The following CHST15 variants were observed in gnomAD, a reference collection of about 807,000 sequenced individuals.
CHST15 encodes the protein B cell RAG associated protein (GALNAC4S-6ST).
A neutral mutation model predicts 53.6 loss-of-function variants in CHST15; 30 were observed. The observed-to-expected ratio is 0.56, with a 90% CI of 0.42 to 0.76. The LOEUF is 0.76. CHST15 is among the 30% of genes least tolerant of loss of function. The pLI, the probability that CHST15 is intolerant of heterozygous loss-of-function variation, is 0.00. For missense variants in CHST15, 627 were observed against 740.5 expected (o/e 0.85, Z 1.78); for synonymous variants, 296 against 289.8 (o/e 1.02, Z -0.22).
At position 124,075,306 on chromosome 10, in the gene CHST15, T is replaced by C. The variant is rs372369025; in HGVS notation, c.-513+18163A>G. Among the ~76,000 whole-genome samples the C allele has an allele frequency of 2.7e-3, 418 of 152,308 alleles. 1 individual carries two copies. Among genetic ancestry groups the C allele is most frequent in the African/African-American group, 9.7e-3 (403 of 41,574 alleles). ...CTCCCTCCACACATCTGAGGCTCCA[T>C]GGGAGTAGCTTTGGCCTCCAGCACT... On this transcript the variant is annotated intron_variant, in intron 1 of 7. Coordinates refer to ENST00000435907, the MANE Select transcript of CHST15 (RefSeq NM_001270764.2).
At chr10:124,067,472 C>T (rs1352624644) in intron 1 of CHST15, among the ~76,000 whole-genome samples, 1 of 152,202 alleles carries the variant, frequency 6.6e-6, no homozygotes, top group Non-Finnish European at 1.5e-5. Context: ...CAGGAGCAGG[C>T]CATCTGCCCC....
At chr10:124,039,952 C>T (rs573581961) in intron 4 of CHST15, among the ~76,000 whole-genome samples, 4 of 152,158 alleles carry the variant, frequency 2.6e-5, no homozygotes, top group Admixed American at 2.6e-4. Context: ...TCCCTGCAGG[C>T]CCCTATCATT....
intron 1 of CHST15, among the ~76,000 whole-genome samples, chr10:124,055,874 C>T (rs950891806): frequency 1.3e-5 from 2 of 152,186 alleles, no homozygotes; most frequent in African/African-American, 4.8e-5. Flanking sequence ...GAGGATTCTA[C>T]TGCAGTCATT....
At position 124,036,305 on chromosome 10, in the gene CHST15, CCAG is replaced by C. The variant is rs1009914797; in HGVS notation, c.1190+2207_1190+2209del. Among the ~76,000 whole-genome samples the C allele has an allele frequency of 2.6e-5, 4 of 152,310 alleles. No homozygotes were observed. The highest frequency in any genetic ancestry group is 9.6e-5 in the African/African-American group (4 of 41,570). On this transcript the variant is annotated intron_variant, in intron 5 of 7. Transcript: ENST00000435907. This position sits in a 1 kb window ranked among gnomAD's most constrained non-coding sequence, Gnocchi z 5.1. ...GATTTCTGCCTCCAAAACACGGGAACCAGCAGGTGGGACATGGCAAGGGACGGC... is the reference window on the plus strand; with the variant it reads ...GATTTCTGCCTCCAAAACACGGGAACCAGGTGGGACATGGCAAGGGACGGC...
intron 1 of CHST15, among the ~76,000 whole-genome samples, chr10:124,048,950 G>T (rs779846390): frequency 6.6e-6 from 1 of 152,122 alleles, no homozygotes; most frequent in Admixed American, 6.5e-5. Flanking sequence ...TGGGGTGCCC[G>T]GACCGGGTCC....
intron 1 of CHST15, among the ~76,000 whole-genome samples, chr10:124,058,415 T>C (rs1001463238): frequency 6.6e-6 from 1 of 152,226 alleles, no homozygotes; most frequent in African/African-American, 2.4e-5. Flanking sequence ...CCCCGAGTCA[T>C]GTATGGGAAA....
chr10:124,066,906 C>T (rs1413029237), intron 1 of CHST15, among the ~76,000 whole-genome samples: 1 of 152,258 alleles, frequency 6.6e-6, no homozygotes, highest in Non-Finnish European at 1.5e-5. Context: ...ACAGCACATG[C>T]CTTGGGCTTA....
intron 6 of CHST15, among the ~76,000 whole-genome samples, chr10:124,017,305 C>G (rs1333612289): frequency 3.9e-5 from 6 of 152,160 alleles, no homozygotes; most frequent in Admixed American, 3.9e-4. Flanking sequence ...CAGGCAGCCT[C>G]CTGCAGAGAG....
intron 1 of CHST15, among the ~76,000 whole-genome samples, chr10:124,058,598 C>G (rs1454006169): frequency 6.6e-6 from 1 of 152,190 alleles, no homozygotes; most frequent in Admixed American, 6.5e-5. Flanking sequence ...ACTCAAGGCT[C>G]ACAGTGGAGC....
At chr10:124,080,651 G>A (rs1413531031) in intron 1 of CHST15, among the ~76,000 whole-genome samples, 1 of 152,204 alleles carries the variant, frequency 6.6e-6, no homozygotes, top group African/African-American at 2.4e-5. Context: ...AGTCAGAAGA[G>A]TTGAAGACAT....
rs751807976 is a variant in CHST15 at position 124,046,139 on chromosome 10, C to T, written c.74G>A (p.Gly25Glu). 48 of 1,614,044 alleles carry T rather than the reference C, an allele frequency of 3.0e-5. No individual in the cohort carries two copies. Among genetic ancestry groups the T allele is most frequent in the Non-Finnish European group, 3.8e-5 (45 of 1,180,030 alleles). Residue 25 changes from glycine (G) to glutamate (E), a missense_variant, in exon 2 of 8, where the codon GGG becomes GAG. Transcript: ENST00000435907. ...CGCCTGGTGACCGTGATGGGGGCCC[C>T]CTTGGCAGTTGACCTGCTGCTTGTG... is the stretch of plus-strand genomic sequence containing the variant. ...GAHKQQVNCQ[G>E]GPHHGHQACP...
intron 1 of CHST15, among the ~76,000 whole-genome samples, chr10:124,049,655 C>T (rs1026457965): frequency 2.6e-5 from 4 of 152,296 alleles, no homozygotes; most frequent in African/African-American, 7.2e-5. Flanking sequence ...CATGGAAGCT[C>T]CACACACCCT....
At chr10:124,042,999 G>C (rs1389499334) in intron 3 of CHST15, among the ~76,000 whole-genome samples, 2 of 152,168 alleles carry the variant, frequency 1.3e-5, no homozygotes, top group Admixed American at 6.5e-5. Context: ...CAAACAGTAA[G>C]GGGAACTGAT....
At chr10:124,038,429 CA>C (rs1947604694) in intron 5 of CHST15, 85 bp downstream of exon 5, 8 of 1,503,346 alleles carry the variant, frequency 5.3e-6, no homozygotes, top group Non-Finnish European at 6.4e-6. Flanking sequence ...CTAAAGGAGA[CA>C]AAATCTTATT....
At chr10:124,035,156 C>A (rs1157973792) in intron 5 of CHST15, among the ~76,000 whole-genome samples, 2 of 148,880 alleles carry the variant, frequency 1.3e-5, no homozygotes, top group African/African-American at 5.0e-5. Context: ...CTAACGGGGA[C>A]CCCGGCTCCG....
At position 124,038,512 on chromosome 10, in the gene CHST15, C is replaced by T; in HGVS notation, c.1190+3G>A. On this transcript the variant is annotated splice_donor_region_variant and intron_variant, in intron 5 of 7. Transcript: ENST00000435907. ...CCAAATACAACACACAGAAACTGCT[C>T]ACCTCTCCACAGGGTCCCTGAGCAT... 3 of 1,613,562 alleles carry T rather than the reference C, an allele frequency of 1.9e-6. No homozygotes were observed. The highest frequency in any genetic ancestry group is 2.5e-6 in the Non-Finnish European group (3 of 1,179,472).
chr10:124,047,143 T>C (rs898923189), intron 1 of CHST15, among the ~76,000 whole-genome samples: 1 of 152,268 alleles, frequency 6.6e-6, no homozygotes, highest in South Asian at 2.1e-4. Context: ...TTTCAGTCAA[T>C]GAAAAATCTC....
chr10:124,083,721 A>G (rs1434783110), intron 1 of CHST15, among the ~76,000 whole-genome samples: 1 of 152,192 alleles, frequency 6.6e-6, no homozygotes, highest in Non-Finnish European at 1.5e-5. Flanking sequence ...TCCCACTAAT[A>G]ACTTTCTTAG....
intron 5 of CHST15, among the ~76,000 whole-genome samples, chr10:124,031,108 A>T (rs1947209137): frequency 6.6e-6 from 1 of 152,262 alleles, no homozygotes; most frequent in Non-Finnish European, 1.5e-5. Context: ...AAGCCTCCAC[A>T]GGTGGTCCTG....
Sources: allele counts gnomAD v4.1 joint callset (sites outside exome capture counted in the v4.1 genomes callset), GRCh38; gene constraint gnomAD v4.1.1; non-coding constraint Gnocchi (gnomAD v3.1); transcripts MANE v1.5; gene names NCBI Gene and HGNC (gene_info 2026-07-23, HGNC 2026-07-21).